The following RGS6 variants were observed in gnomAD, a reference collection of about 807,000 sequenced individuals.
The protein encoded by RGS6 is regulator of G protein signaling 6.
In RGS6, 30 loss-of-function variants were observed where a neutral mutation model predicts 78.5. That is an observed-to-expected ratio of 0.38 (90% CI 0.29 to 0.52). The LOEUF is 0.52. RGS6 is among the 20% of genes least tolerant of loss of function. The probability of loss-of-function intolerance (pLI) is 0.85; values close to 1 mark genes in which losing one functional copy is unlikely to be tolerated. For synonymous variants in RGS6, 206 were observed against 206.0 expected, an observed-to-expected ratio of 1.00 and a Z score of 0.00; for missense variants, 495 against 609.7, an observed-to-expected ratio of 0.81 and a Z score of 1.98.
At chr14:71,944,944 G>A (rs1363398417) in intron 1 of RGS6, among the ~76,000 whole-genome samples, 1 of 152,150 alleles carries the variant, frequency 6.6e-6, no homozygotes, top group East Asian at 1.9e-4. Context: ...GGCAATTGTA[G>A]CGCAGTGGTG....
At chr14:72,493,080 C>G (rs964885504) in intron 12 of RGS6, among the ~76,000 whole-genome samples, 6 of 152,120 alleles carry the variant, frequency 3.9e-5, no homozygotes, top group Non-Finnish European at 8.8e-5. Context: ...ACAATGAAGC[C>G]CATCAGTGAC....
At chr14:72,403,623 G>A (rs2092668160) in intron 3 of RGS6, among the ~76,000 whole-genome samples, 1 of 152,116 alleles carries the variant, frequency 6.6e-6, no homozygotes, top group Admixed American at 6.5e-5. Context: ...GTAAAGAATT[G>A]AAAACTCTTT....
At chr14:71,899,190 A>G in the RGS6 span, among the ~76,000 whole-genome samples, 1 of 152,344 alleles carries the variant, frequency 6.6e-6, no homozygotes, top group East Asian at 1.9e-4. Context: ...AATAAGAAAT[A>G]CAGGTAAGCA....
At chr14:72,502,722 C>T (rs930037813) in intron 13 of RGS6, among the ~76,000 whole-genome samples, 1 of 152,124 alleles carries the variant, frequency 6.6e-6, no homozygotes, top group Non-Finnish European at 1.5e-5. Context: ...TGAGATCGTG[C>T]CATTGCACTC....
At chr14:72,419,273 C>T (rs1566797462) in intron 3 of RGS6, among the ~76,000 whole-genome samples, 2 of 152,214 alleles carry the variant, frequency 1.3e-5, no homozygotes. Flanking sequence ...AAGTGTCTTA[C>T]AAGTATTCGC....
At chr14:72,242,327 C>G (rs1418350612) in intron 2 of RGS6, among the ~76,000 whole-genome samples, 1 of 152,150 alleles carries the variant, frequency 6.6e-6, no homozygotes, top group Non-Finnish European at 1.5e-5. Context: ...TAGGAGGAAA[C>G]TGCCTTTGAG....
At chr14:72,125,030 A>G (rs1331349046) in intron 2 of RGS6, among the ~76,000 whole-genome samples, 3 of 152,176 alleles carry the variant, frequency 2.0e-5, no homozygotes, top group Non-Finnish European at 4.4e-5. Context: ...GTTCTCTTTC[A>G]CTAGTTAACA....
At chr14:72,501,589 G>A (rs574642677) in intron 13 of RGS6, among the ~76,000 whole-genome samples, 2 of 152,182 alleles carry the variant, frequency 1.3e-5, no homozygotes, top group Non-Finnish European at 2.9e-5. Flanking sequence ...TTGAGGAGAA[G>A]TCAGTCAAAA....
rs1411252713 is a variant in RGS6, at chr14:72,542,967, C to G, written c.1422+2873C>G. 2.0e-5 allele frequency among the ~76,000 whole-genome samples: 3 copies of G among 151,588 alleles called. No homozygotes were observed. In the East Asian group the frequency reaches 5.8e-4, roughly 29 times the overall value. ...GGGTGACGAAGGGGCCTGGTACTCCCCAGTCAATAGAGGAAGTGCTGTATG... is the reference window on the plus strand; with the variant it reads ...GGGTGACGAAGGGGCCTGGTACTCCGCAGTCAATAGAGGAAGTGCTGTATG... On this transcript the variant is annotated intron_variant, in intron 17 of 17. Coordinates refer to ENST00000553525, the MANE Select transcript of RGS6 (RefSeq NM_001204424.2).
intron 15 of RGS6, among the ~76,000 whole-genome samples, chr14:72,535,209 G>C (rs1419332496): frequency 6.6e-6 from 1 of 152,182 alleles, no homozygotes; most frequent in Non-Finnish European, 1.5e-5. Flanking sequence ...GCCAAGGCCA[G>C]AATGTATAAC....
rs1190080412 is a variant in RGS6 at position 72,566,395 on chromosome 14, C to T, written c.*3928C>T. 2 of 152,176 alleles carry T rather than the reference C, an allele frequency of 1.3e-5. No individual in the cohort carries two copies. Among genetic ancestry groups the T allele is most frequent in the African/African-American group, 4.8e-5 (2 of 41,434 alleles). 9.4% of individuals were successfully genotyped at this position (152,176 alleles called of 1,614,324 possible). A position where few individuals can be genotyped will look rare whatever the true frequency, so the allele number is the denominator to read the frequency against. Reference sequence around the variant, plus strand: ...TCTAAGCCCACTCACCGCATGATCACGGACTCATCGGAATGGCCTCCTCTT... The same window carrying T: ...TCTAAGCCCACTCACCGCATGATCATGGACTCATCGGAATGGCCTCCTCTT... On this transcript the variant is annotated 3_prime_UTR_variant, in exon 18 of 18. Coordinates refer to ENST00000553525, the MANE Select transcript of RGS6 (RefSeq NM_001204424.2).
the RGS6 span, among the ~76,000 whole-genome samples, chr14:72,601,008 G>T: frequency 1.1e-5 from 1 of 92,548 alleles, no homozygotes; most frequent in African/African-American, 3.1e-5. Flanking sequence ...GGAGGGGGGA[G>T]AGGAGGAGGA....
chr14:72,544,933 GCAATCAGGGCAGTCAGC>G (rs1294342378), intron 17 of RGS6, among the ~76,000 whole-genome samples: 17 of 152,222 alleles, frequency 1.1e-4, no homozygotes, highest in African/African-American at 3.9e-4. Context: ...GGGCAGGCAG[GCAATCAGGGCAGTCAGC>G]CAACCGGCAG....
intron 14 of RGS6, among the ~76,000 whole-genome samples, chr14:72,511,307 G>A (rs980337688): frequency 2.8e-4 from 42 of 152,184 alleles, no homozygotes; most frequent in African/African-American, 8.7e-4. Context: ...ATGTGCTGCG[G>A]GCAAAGGACT....
intron 2 of RGS6, among the ~76,000 whole-genome samples, chr14:72,250,598 C>G (rs1352689799): frequency 8.1e-6 from 1 of 124,018 alleles, no homozygotes; most frequent in Non-Finnish European, 2.0e-5. Flanking sequence ...TGATATAGAC[C>G]AGTGGGTTTC....
chr14:72,341,613 A>G (rs8022859), intron 2 of RGS6, among the ~76,000 whole-genome samples: 70,914 of 152,078 alleles, frequency 0.47, 16,889 homozygotes, highest in South Asian at 0.6. Context: ...AAGTGTGTCC[A>G]GAAGCAAAAC....
intron 6 of RGS6, among the ~76,000 whole-genome samples, chr14:72,462,558 C>T (rs775988992): frequency 6.6e-6 from 1 of 152,150 alleles, no homozygotes; most frequent in African/African-American, 2.4e-5. Flanking sequence ...TCAAATAGTT[C>T]CTGATATTCA....
At chr14:72,268,539 GA>G (rs1469762638) in intron 2 of RGS6, among the ~76,000 whole-genome samples, 13 of 152,314 alleles carry the variant, frequency 8.5e-5, no homozygotes, top group Admixed American at 5.2e-4. Flanking sequence ...CAATGTTAAA[GA>G]GCCTGCATGG....
chr14:71,995,673 G>A (rs2095170426), intron 2 of RGS6, among the ~76,000 whole-genome samples: 1 of 152,168 alleles, frequency 6.6e-6, no homozygotes, highest in Non-Finnish European at 1.5e-5. Context: ...CGTAGCAGGT[G>A]CACCTGAAAT....
Sources: gnomAD v4.1 joint callset for allele counts (sites outside exome capture counted in the v4.1 genomes callset) on GRCh38, gnomAD v4.1.1 for gene constraint, MANE v1.5 for transcripts, NCBI Gene and HGNC (gene_info 2026-07-23, HGNC 2026-07-21) for gene names.